TEX11: variants seen among roughly 807,000 people sequenced by gnomAD.
The protein encoded by TEX11 is testis expressed 11, also known as testis-expressed protein 11.
A neutral mutation model predicts 84.4 loss-of-function variants in TEX11; 7 were observed. That is an observed-to-expected ratio of 0.08 (90% CI 0.05 to 0.16). TEX11 has a LOEUF of 0.16. Ranked by LOEUF, TEX11 falls within the 10% of genes least tolerant of loss-of-function variation. The pLI, the probability that TEX11 is intolerant of heterozygous loss-of-function variation, is 1.00. For missense variants in TEX11, 551 were observed against 660.5 expected (o/e 0.83, Z 1.82); for synonymous variants, 264 against 222.8 (o/e 1.18, Z -1.64).
intron 9 of TEX11, among the ~76,000 whole-genome samples, chrX:70,750,848 C>T (rs868700086): frequency 1.1e-5 from 1 of 90,716 alleles, no homozygotes; most frequent in Non-Finnish European, 2.2e-5. Flanking sequence ...GTGCAGCGCA[C>T]CAGCATGGCA....
In TEX11 at chrX:70,746,774, A is replaced by C. The variant is rs189000128; in HGVS notation, c.693-2555T>G. ...GTAGCAATAAGGGAAACAGCAGACCAACCAGAAGGTTACCAGAGAATCAGG... is the reference window on the plus strand; with the variant it reads ...GTAGCAATAAGGGAAACAGCAGACCCACCAGAAGGTTACCAGAGAATCAGG... On this transcript the variant is annotated intron_variant, in intron 9 of 29. Coordinates refer to ENST00000374333, the MANE Select transcript of TEX11 (RefSeq NM_031276.3). Among the ~76,000 whole-genome samples, 7 of 112,352 alleles carry C rather than the reference A, an allele frequency of 6.2e-5. No homozygotes were observed. The East Asian group carries it at 1.4e-3, about 23-fold the overall frequency.
intron 4 of TEX11, among the ~76,000 whole-genome samples, chrX:70,862,483 A>G (rs57701645): frequency 0.01 from 1,148 of 111,861 alleles, 12 homozygotes; most frequent in African/African-American, 0.035. Flanking sequence ...TTTATTGCCC[A>G]TCATAAAGTG....
chrX:70,894,619 C>T (rs1257016354), intron 2 of TEX11, among the ~76,000 whole-genome samples: 2 of 105,810 alleles, frequency 1.9e-5, no homozygotes, highest in African/African-American at 7.0e-5. Flanking sequence ...AGCGAGACTC[C>T]GTCTAAAAAA....
the TEX11 span, among the ~76,000 whole-genome samples, chrX:70,515,275 C>G: frequency 2.8e-5 from 3 of 107,596 alleles, no homozygotes; most frequent in East Asian, 2.9e-4. Flanking sequence ...TCCACCCCCC[C>G]CCACCCCACA....
chrX:70,858,454 AAAAG>A (rs1221271092), intron 5 of TEX11, among the ~76,000 whole-genome samples: 1 of 108,201 alleles, frequency 9.2e-6, no homozygotes, highest in African/African-American at 3.4e-5. Context: ...GAAAAAAAAA[AAAAG>A]AAGAAGAAGA....
chrX:70,706,021 C>T lies in TEX11; in HGVS notation c.1004+16597G>A, dbSNP rs183593080. Among the ~76,000 whole-genome samples, 623 of 110,913 alleles carry T rather than the reference C, an allele frequency of 5.6e-3. 4 individuals are homozygous for T. Among genetic ancestry groups the T allele is most frequent in the African/African-American group, 0.018 (561 of 30,545 alleles). On this transcript the variant is annotated intron_variant, in intron 13 of 29. Coordinates refer to ENST00000374333, the MANE Select transcript of TEX11 (RefSeq NM_031276.3). ...GACACATGCACACATATGTTTATTG[C>T]GGCACTATTCACAATAGGAAAGACT...
At chrX:70,657,174 T>G (rs751773872) in intron 16 of TEX11, among the ~76,000 whole-genome samples, 8 of 111,618 alleles carry the variant, frequency 7.2e-5, no homozygotes, top group Non-Finnish European at 1.5e-4. Context: ...TAATTTAAAC[T>G]TAAACGTACA....
chrX:70,583,415 C>T (rs192836895), intron 25 of TEX11, among the ~76,000 whole-genome samples: 180 of 111,943 alleles, frequency 1.6e-3, no homozygotes, highest in Admixed American at 5.2e-3. Flanking sequence ...GTTTCATCCA[C>T]GTTACTGCAA....
At chrX:70,860,614 A>G (rs1384167882) in intron 5 of TEX11, among the ~76,000 whole-genome samples, 3 of 111,930 alleles carry the variant, frequency 2.7e-5, no homozygotes, top group Non-Finnish European at 3.8e-5. Flanking sequence ...TAAAAAATAA[A>G]TCATCAACCC....
intron 28 of TEX11, among the ~76,000 whole-genome samples, chrX:70,533,889 C>T (rs957012966): frequency 4.6e-5 from 5 of 109,348 alleles, no homozygotes; most frequent in African/African-American, 1.0e-4. Context: ...GTCAAGAGAT[C>T]GAGACCATCC....
At chrX:70,660,371 G>C (rs1210798341) in intron 16 of TEX11, among the ~76,000 whole-genome samples, 4 of 112,418 alleles carry the variant, frequency 3.6e-5, no homozygotes, top group Non-Finnish European at 7.5e-5. Context: ...AACTTTTTAA[G>C]TATTTTGTAA....
intron 13 of TEX11, among the ~76,000 whole-genome samples, chrX:70,703,139 A>T (rs139014148): frequency 1.1e-3 from 124 of 111,681 alleles, no homozygotes; most frequent in African/African-American, 3.9e-3. Context: ...AAAGTCATAC[A>T]GCTGGCTAAT....
chrX:70,656,163 C>T (rs182775605), intron 16 of TEX11, among the ~76,000 whole-genome samples: 110 of 108,181 alleles, frequency 1.0e-3, no homozygotes, highest in African/African-American at 3.6e-3. Context: ...GCTGATCATG[C>T]CTGTGATCCC....
At chrX:70,826,544 C>G (rs868555889) in intron 8 of TEX11, among the ~76,000 whole-genome samples, 8 of 111,765 alleles carry the variant, frequency 7.2e-5, no homozygotes, top group Admixed American at 3.8e-4. Flanking sequence ...AAGGCCACCC[C>G]TCCCCGCTTC....
intron 3 of TEX11, among the ~76,000 whole-genome samples, chrX:70,877,996 G>A (rs903169211): frequency 1.8e-5 from 2 of 110,749 alleles, no homozygotes; most frequent in African/African-American, 6.6e-5. Flanking sequence ...TAACACAAGG[G>A]AACTATACAC....
At chrX:70,710,005 C>T (rs1053981075) in intron 13 of TEX11, among the ~76,000 whole-genome samples, 1 of 110,602 alleles carries the variant, frequency 9.0e-6, no homozygotes, top group Non-Finnish European at 1.9e-5. Flanking sequence ...ATCACTATCT[C>T]TAGGTTTCTG....
chrX:70,710,122 T>TA (rs2090413641), intron 13 of TEX11, among the ~76,000 whole-genome samples: 1 of 107,014 alleles, frequency 9.3e-6, no homozygotes, highest in East Asian at 3.0e-4. Context: ...CTAATCAGCA[T>TA]CAAAAAAAAA....
chrX:70,644,644 T>C (rs2089715724), intron 17 of TEX11, among the ~76,000 whole-genome samples: 1 of 94,223 alleles, frequency 1.1e-5, no homozygotes, highest in African/African-American at 3.9e-5. Flanking sequence ...AAATTGGAAA[T>C]CATCATTCTC....
intron 10 of TEX11, among the ~76,000 whole-genome samples, chrX:70,742,298 GTTAA>G (rs1236468017): frequency 1.8e-5 from 2 of 109,111 alleles, no homozygotes; most frequent in South Asian, 3.8e-4. Flanking sequence ...AATTATTATA[GTTAA>G]TTGAGTCTCA....
Sources: gnomAD v4.1 joint callset for allele counts (sites outside exome capture counted in the v4.1 genomes callset) on GRCh38, gnomAD v4.1.1 for gene constraint, MANE v1.5 for transcripts, NCBI Gene and HGNC (gene_info 2026-07-23, HGNC 2026-07-21) for gene names.